The following FAM186A variants were observed in gnomAD, a reference collection of about 807,000 sequenced individuals.
FAM186A encodes the protein protein FAM186A.
A neutral mutation model predicts 216.8 loss-of-function variants in FAM186A; 163 were observed. The observed-to-expected ratio is 0.75, with a 90% CI of 0.66 to 0.86. FAM186A has a LOEUF of 0.86. Ranked by LOEUF, FAM186A falls within the 40% of genes least tolerant of loss-of-function variation. The pLI is 0.00. For synonymous variants in FAM186A, 805 were observed against 1,025.3 expected (o/e 0.79, Z 4.10); for missense variants, 2,184 against 2,746.2 (o/e 0.80, Z 4.58).
intron 4 of FAM186A, among the ~76,000 whole-genome samples, chr12:50,336,049 T>C (rs1414331084): frequency 6.8e-6 from 1 of 148,084 alleles, no homozygotes; most frequent in African/African-American, 2.5e-5. Context: ...CACTTGAACC[T>C]GGGAGGTGGA....
intron 1 of FAM186A, among the ~76,000 whole-genome samples, chr12:50,364,578 TAAAATA>T (rs1345828829): frequency 2.2e-5 from 3 of 136,556 alleles, no homozygotes; most frequent in African/African-American, 8.0e-5. Flanking sequence ...AATAAATAAA[TAAAATA>T]AAAATAAAAA....
chr12:50,368,699 C>A, intron 1 of FAM186A, among the ~76,000 whole-genome samples: 1 of 151,632 alleles, frequency 6.6e-6, no homozygotes. Context: ...CTCAAGGGAT[C>A]CTGAATGGCT....
At chr12:50,380,397 C>T (rs1179955122) in intron 1 of FAM186A, among the ~76,000 whole-genome samples, 2 of 151,400 alleles carry the variant, frequency 1.3e-5, no homozygotes, top group Non-Finnish European at 2.9e-5. Flanking sequence ...TGGTGTTGTT[C>T]GGGTGCGGTG....
chr12:50,340,714 A>G (rs1031048814), intron 4 of FAM186A, among the ~76,000 whole-genome samples: 1 of 151,952 alleles, frequency 6.6e-6, no homozygotes, highest in Non-Finnish European at 1.5e-5. Context: ...AAGTGATGCT[A>G]TCTAGAGAGC....
chr12:50,377,757 C>T (rs114504811), intron 1 of FAM186A, among the ~76,000 whole-genome samples: 106 of 149,444 alleles, frequency 7.1e-4, no homozygotes, highest in African/African-American at 2.4e-3. Flanking sequence ...TGCTTGAACC[C>T]GGTGGGGGCA....
chr12:50,356,958 C>T (rs1004968700), intron 3 of FAM186A, among the ~76,000 whole-genome samples: 3 of 152,082 alleles, frequency 2.0e-5, no homozygotes, highest in Admixed American at 2.0e-4. Flanking sequence ...GAGATTGCGC[C>T]ACTGCACTCA....
At chr12:50,383,391 C>CT (rs1386729419) in intron 1 of FAM186A, among the ~76,000 whole-genome samples, 1 of 145,656 alleles carries the variant, frequency 6.9e-6, no homozygotes, top group Non-Finnish European at 1.5e-5. Flanking sequence ...AGTCAGGAGT[C>CT]TGAGACCAGC....
chr12:50,367,124 A>C (rs932121587), intron 1 of FAM186A, among the ~76,000 whole-genome samples: 6 of 152,180 alleles, frequency 3.9e-5, no homozygotes, highest in Non-Finnish European at 8.8e-5. Flanking sequence ...TCAACAGTGA[A>C]AGACTGAAAG....
intron 1 of FAM186A, among the ~76,000 whole-genome samples, chr12:50,370,024 T>G (rs1943127772): frequency 7.0e-6 from 1 of 143,116 alleles, no homozygotes; most frequent in Non-Finnish European, 1.5e-5. Context: ...CTCGGGAGGC[T>G]GAGGCAGGAG....
intron 4 of FAM186A, among the ~76,000 whole-genome samples, chr12:50,347,240 A>G (rs922613913): frequency 6.6e-6 from 1 of 152,202 alleles, no homozygotes; most frequent in Non-Finnish European, 1.5e-5. Context: ...GTGGGTTACT[A>G]TGCCAGAGGA....
At chr12:50,359,269 G>A (rs536749023) in intron 3 of FAM186A, among the ~76,000 whole-genome samples, 18 of 152,016 alleles carry the variant, frequency 1.2e-4, no homozygotes, top group African/African-American at 2.9e-4. Context: ...GTGGTGACAC[G>A]TGCCTGTAAT....
rs1386903933 is a variant in FAM186A at position 50,354,009 on chromosome 12, C to T, written c.2823G>A (p.Lys941=). 6.4e-7 allele frequency: 1 copy of T among 1,551,814 alleles called. No individual in the cohort carries two copies. ...KMKTQGLLLE[K]ENGQMRQIQK... is the part of the protein sequence containing the mutation. ...GAATCTGCCTCATCTGTCCATTCTCCTTTTCCAAGAGCAACCCTTGTGTTT... is the reference window on the plus strand; with the variant it reads ...GAATCTGCCTCATCTGTCCATTCTCTTTTTCCAAGAGCAACCCTTGTGTTT... The change falls in exon 4 of 8, where the codon AAG becomes AAA. Residue 941 remains lysine (K), a synonymous_variant. Transcript: ENST00000327337.
rs1349149028 is a variant in FAM186A, at chr12:50,350,450, G to T, written c.6382C>A (p.Leu2128Ile). 5 of 1,551,576 alleles carry T rather than the reference G, an allele frequency of 3.2e-6. No homozygotes were observed. The South Asian group carries it at 5.9e-5, about 18-fold the overall frequency. Residue 2128 changes from leucine to isoleucine, a missense_variant, in exon 4 of 8, where the codon CTC becomes ATC. Physicochemically the swap from Leu to Ile is conservative, Grantham distance 5. This residue lies in a region of FAM186A where 721 missense variants were observed against 816.4 expected (regional missense o/e 0.88). Coordinates refer to ENST00000327337, the MANE Select transcript of FAM186A (RefSeq NM_001145475.3). Reference protein sequence around the residue: ...LLNQAIKTCGLPSQLHTMART... With the variant: ...LLNQAIKTCGIPSQLHTMART... The stretch of plus-strand genomic sequence containing the variant: ...GCCATTGTGTGTAGCTGTGAAGGGA[G>T]TCCACAAGTTTTTATAGCCTGATTT...
At chr12:50,361,195 G>GTGTTT (rs777225489) in intron 2 of FAM186A, among the ~76,000 whole-genome samples, 19 of 152,088 alleles carry the variant, frequency 1.2e-4, no homozygotes, top group Admixed American at 6.6e-4. Flanking sequence ...GTGTGTGTGT[G>GTGTTT]TGTTTTGTTT....
chr12:50,371,783 A>G (rs536435455), intron 1 of FAM186A, among the ~76,000 whole-genome samples: 27 of 152,288 alleles, frequency 1.8e-4, no homozygotes, highest in African/African-American at 6.3e-4. Flanking sequence ...AAAAATAATT[A>G]AGGCAGTAAA....
rs920874235 is a variant in FAM186A at position 50,350,662 on chromosome 12, G to A, written c.6170C>T (p.Ser2057Leu). ...GTACCATTCCAAAGGTGAAATCTGT[G>A]ATGTTCTGAGTAGAGTAGTGAGAGA... ...PSSLTTLLRT[S>L]QISPLEWYQK... is the part of the protein sequence containing the mutation. The change falls in exon 4 of 8, where the codon TCA becomes TTA. Residue 2057 changes from serine (S) to leucine (L), a missense_variant. Coordinates refer to ENST00000327337, the MANE Select transcript of FAM186A (RefSeq NM_001145475.3). 5.2e-6 allele frequency: 8 copies of A among 1,551,662 alleles called. No individual in the cohort carries two copies. The Admixed American group carries it at 7.8e-5, about 15-fold the overall frequency.
Position 50,363,286 on chromosome 12 carries a change from A to G in FAM186A, c.271T>C (p.Ser91Pro). 1 of 1,551,540 alleles carries G rather than the reference A, an allele frequency of 6.4e-7. No homozygotes were observed. The highest frequency in any genetic ancestry group is 1.4e-5 in the African/African-American group (1 of 73,164). ...GTAAGGGAGACATTCCTTTCAGAGG[A>G]CGAGTTAAAAACAAGAGTATAGCGA... ...MTRYTLVFNS[S>P]SERNVSLTEH... The change falls in exon 2 of 8, where the codon TCC becomes CCC. Residue 91 changes from serine to proline, a missense_variant. Around this residue, in one of 7 missense-constraint regions of FAM186A, gnomAD observed 1,132 missense variants for 1,263.4 expected, o/e 0.90. Transcript: ENST00000327337.
intron 1 of FAM186A, among the ~76,000 whole-genome samples, chr12:50,371,275 G>A (rs368632652): frequency 7.9e-5 from 12 of 151,570 alleles, no homozygotes; most frequent in African/African-American, 2.9e-4. Flanking sequence ...CTGCCTCCAT[G>A]CCCAGCTAAT....
chr12:50,393,178 G>C (rs992342764), intron 1 of FAM186A, among the ~76,000 whole-genome samples: 4 of 150,946 alleles, frequency 2.6e-5, no homozygotes, highest in African/African-American at 7.3e-5. Flanking sequence ...CGCCCGCCTC[G>C]CCTCCAAAGT....
Sources: allele counts gnomAD v4.1 joint callset (sites outside exome capture counted in the v4.1 genomes callset), GRCh38; gene constraint gnomAD v4.1.1; regional missense constraint gnomAD v4.1.1; transcripts MANE v1.5; gene names NCBI Gene and HGNC (gene_info 2026-07-23, HGNC 2026-07-21).